L2HGDH: variants seen among roughly 807,000 people sequenced by gnomAD.
L2HGDH encodes L-2-hydroxyglutarate dehydrogenase, also known as L-2-hydroxyglutarate dehydrogenase, mitochondrial.
L2HGDH carries 34 observed loss-of-function variants against 51.5 expected under a neutral mutation model. That is an observed-to-expected ratio of 0.66 (90% CI 0.50 to 0.88). L2HGDH has a LOEUF of 0.88. Among genes scored for constraint, L2HGDH ranks in the 40% least tolerant of loss-of-function variants. The probability of loss-of-function intolerance (pLI) is 0.00; values close to 1 mark genes in which losing one functional copy is unlikely to be tolerated. For synonymous variants in L2HGDH, 198 were observed against 197.9 expected (o/e 1.00, Z -0.01); for missense variants, 558 against 571.9 (o/e 0.98, Z 0.25).
At chr14:50,281,707 C>T (rs537750622) in intron 5 of L2HGDH, among the ~76,000 whole-genome samples, 12 of 152,096 alleles carry the variant, frequency 7.9e-5, no homozygotes, top group African/African-American at 2.9e-4. Context: ...TTTTTTCAGT[C>T]TACTGGTTTA....
intron 1 of L2HGDH, chr14:50,311,537 G>A: frequency 6.7e-6 from 3 of 449,516 alleles, no homozygotes; most frequent in South Asian, 1.6e-5. Context: ...AGCTGCCTCC[G>A]ACGGGGGCAA....
chr14:50,306,770 G>A (rs971459789), intron 1 of L2HGDH, among the ~76,000 whole-genome samples: 1 of 151,880 alleles, frequency 6.6e-6, no homozygotes, highest in Non-Finnish European at 1.5e-5. Context: ...CTTTTCTTAA[G>A]GAAAGAAAAG....
Position 50,267,838 on chromosome 14 carries a change from G to T in L2HGDH, c.979C>A (p.Pro327Thr). 1 of 1,613,892 alleles carries T rather than the reference G, an allele frequency of 6.2e-7. No individual in the cohort carries two copies. The highest frequency in any genetic ancestry group is 8.5e-7 in the Non-Finnish European group (1 of 1,179,794). Residue 327 changes from proline (P) to threonine (T), a missense_variant, in exon 8 of 10, where the codon CCT (proline) becomes ACT (threonine). By Grantham distance (38) the Pro-to-Thr change is conservative. This residue lies in a region of L2HGDH where 321 missense variants were observed against 311.8 expected (regional missense o/e 1.03). Transcript: ENST00000267436. ...CGTTTAAAGGCAAGAACTGCATTAG[G>T]CCCTAGCCAAATACTGCCATCCATC... is the stretch of plus-strand genomic sequence containing the variant. The part of the protein sequence containing the change: ...PRMDGSIWLG[P>T]NAVLAFKREG...
At chr14:50,270,727 C>G (rs533027125) in intron 6 of L2HGDH, among the ~76,000 whole-genome samples, 3 of 152,126 alleles carry the variant, frequency 2.0e-5, no homozygotes, top group African/African-American at 7.2e-5. Context: ...AGGATGGTCT[C>G]GATCTCCTGA....
intron 9 of L2HGDH, among the ~76,000 whole-genome samples, chr14:50,264,446 C>G (rs1196567780): frequency 1.3e-5 from 2 of 152,150 alleles, no homozygotes; most frequent in East Asian, 1.9e-4. Context: ...AGCAAGGACT[C>G]TGATTGTTAC....
chr14:50,293,249 G>C (rs760569033), intron 4 of L2HGDH: 2 of 702,244 alleles, frequency 2.8e-6, no homozygotes, highest in South Asian at 3.0e-5. Flanking sequence ...GAAAATAATG[G>C]TTTTTTGATA....
At chr14:50,271,288 CAAA>C (rs202085154) in intron 6 of L2HGDH, among the ~76,000 whole-genome samples, 1 of 151,392 alleles carries the variant, frequency 6.6e-6, no homozygotes. Flanking sequence ...GTTCTTGGAA[CAAA>C]AAAAATGCAG....
chr14:50,265,567 CT>C, intron 8 of L2HGDH, 78 bp from the exon 9 acceptor site: 11 of 1,267,734 alleles, frequency 8.7e-6, no homozygotes, highest in Admixed American at 2.2e-5. Context: ...TTATTAGATT[CT>C]TTTTTTATGT....
At chr14:50,265,642 G>A (rs1437327315) in intron 8 of L2HGDH, among the ~76,000 whole-genome samples, 153 bp from the exon 9 acceptor site, 1 of 152,156 alleles carries the variant, frequency 6.6e-6, no homozygotes, top group Non-Finnish European at 1.5e-5. Context: ...GGCCAGGAGT[G>A]GTGGCTCACG....
At chr14:50,290,580 T>C (rs1352650773) in intron 4 of L2HGDH, among the ~76,000 whole-genome samples, 2 of 152,238 alleles carry the variant, frequency 1.3e-5, no homozygotes, top group Non-Finnish European at 2.9e-5. Flanking sequence ...TGAGGCTGTT[T>C]GGCGTTAAAA....
chr14:50,257,026 C>T (rs1396802314), intron 9 of L2HGDH, among the ~76,000 whole-genome samples: 1 of 152,140 alleles, frequency 6.6e-6, no homozygotes, highest in Non-Finnish European at 1.5e-5. Context: ...ACCTCTGCCT[C>T]GCAGGTTCAA....
chr14:50,267,781 T>C lies in L2HGDH; in HGVS notation c.1036A>G (p.Thr346Ala), dbSNP rs575259464. The C allele has an allele frequency of 6.2e-7, 1 of 1,612,648 alleles. No homozygotes were observed. Among genetic ancestry groups the C allele is most frequent in the African/African-American group, 1.3e-5 (1 of 75,042 alleles). ...EGYRPFDFSA[T>A]DVMDIIINSG... ...TTGATAATTATATCCATAACATCTG[T>C]GGCACTGAAGTCAAAGGGTCTGTAA... The change falls in exon 8 of 10, where the codon ACA (threonine) becomes GCA (alanine). Residue 346 changes from threonine to alanine, a missense_variant. Transcript: ENST00000267436.
intron 3 of L2HGDH, among the ~76,000 whole-genome samples, chr14:50,299,243 G>A (rs1268009618): frequency 1.3e-5 from 2 of 151,884 alleles, no homozygotes; most frequent in Non-Finnish European, 2.9e-5. Flanking sequence ...ATAAATTCCT[G>A]GACACATACA....
At chr14:50,293,631 G>T (rs2029877246) in intron 4 of L2HGDH, among the ~76,000 whole-genome samples, 1 of 152,132 alleles carries the variant, frequency 6.6e-6, no homozygotes, top group Admixed American at 6.5e-5. Context: ...TTGGGAGGTC[G>T]AGGCAGGAGG....
chr14:50,252,494 T>C (rs1363397722), intron 9 of L2HGDH, among the ~76,000 whole-genome samples: 2 of 134,274 alleles, frequency 1.5e-5, no homozygotes, highest in Non-Finnish European at 3.2e-5. Flanking sequence ...GCTGAATGGA[T>C]GAAAAAACAA....
intron 5 of L2HGDH, among the ~76,000 whole-genome samples, chr14:50,281,129 TAAGGGAGAG>T (rs1375584036): frequency 1.3e-5 from 2 of 151,992 alleles, no homozygotes; most frequent in African/African-American, 4.8e-5. Flanking sequence ...TCCAGACTTC[TAAGGGAGAG>T]AAAAAGGAAA....
At position 50,245,698 on chromosome 14, in the gene L2HGDH, A is replaced by T; in HGVS notation, c.*1360T>A. The T allele has an allele frequency of 1.0e-6, 1 of 984,918 alleles. No individual in the cohort carries two copies. Among genetic ancestry groups the T allele is most frequent in the Non-Finnish European group, 1.2e-6 (1 of 829,462 alleles). The allele number at this position is 984,918 out of a possible 1,614,324, so 61.0% of individuals were successfully genotyped here. A position where few individuals can be genotyped will look rare whatever the true frequency, so the allele number is the denominator to read the frequency against. ...TTTCTTGTCTATGAGAGACCAAACG[A>T]GCTTAGGTAGCGTAATGCTAAAAAA... is the stretch of plus-strand genomic sequence containing the variant. On this transcript the variant is annotated 3_prime_UTR_variant, in exon 10 of 10. Coordinates refer to ENST00000267436, the MANE Select transcript of L2HGDH (RefSeq NM_024884.3).
chr14:50,281,812 C>A (rs953874736), intron 5 of L2HGDH, among the ~76,000 whole-genome samples: 2 of 152,016 alleles, frequency 1.3e-5, no homozygotes, highest in Non-Finnish European at 1.5e-5. Flanking sequence ...TCTAAGAGAA[C>A]ATTTGCCAAC....
At chr14:50,279,800 C>T (rs754028339) in intron 5 of L2HGDH, among the ~76,000 whole-genome samples, 1 of 152,074 alleles carries the variant, frequency 6.6e-6, no homozygotes, top group African/African-American at 2.4e-5. Flanking sequence ...GTGGCTTACG[C>T]CTGTAACCCC....
Sources: allele counts gnomAD v4.1 joint callset (sites outside exome capture counted in the v4.1 genomes callset), GRCh38; gene constraint gnomAD v4.1.1; regional missense constraint gnomAD v4.1.1; transcripts MANE v1.5; gene names NCBI Gene and HGNC (gene_info 2026-07-23, HGNC 2026-07-21).